Variants in ADGRL4 observed in about 807,000 individuals in gnomAD.
ADGRL4 encodes the protein EGF, latrophilin and seven transmembrane domain containing 1.
ADGRL4 carries 90 observed loss-of-function variants against 74.8 expected under a neutral mutation model. The ratio of observed to expected loss-of-function variants is 1.20; its 90% CI spans 1.02 to 1.43. The LOEUF (loss-of-function observed/expected upper bound fraction) is 1.43, where lower values mean the gene tolerates loss of function less well. ADGRL4 is among the 40% of genes most tolerant of loss of function. The probability of loss-of-function intolerance (pLI) is 0.00; values close to 1 mark genes in which losing one functional copy is unlikely to be tolerated. For missense variants in ADGRL4, 881 were observed against 814.3 expected (o/e 1.08, Z -1.00); for synonymous variants, 311 against 279.2 (o/e 1.11, Z -1.14).
intron 7 of ADGRL4, among the ~76,000 whole-genome samples, chr1:78,933,001 AAAG>A (rs1182002143): frequency 2.0e-5 from 3 of 151,446 alleles, no homozygotes; most frequent in Non-Finnish European, 4.4e-5. Context: ...CCAGAGGTGC[AAAG>A]AAGAGCTGGT....
intron 12 of ADGRL4, among the ~76,000 whole-genome samples, chr1:78,911,297 T>C (rs17102383): frequency 0.038 from 5,799 of 151,940 alleles, 146 homozygotes; most frequent in South Asian, 0.067. Context: ...CTAGATGTGT[T>C]CAGAGAAACG....
chr1:78,957,129 C>A (rs1310502272), intron 2 of ADGRL4, among the ~76,000 whole-genome samples: 1 of 152,126 alleles, frequency 6.6e-6, no homozygotes, highest in Non-Finnish European at 1.5e-5. Context: ...ATAAATGTTG[C>A]GTGTTCTGAC....
At chr1:78,983,722 T>C (rs1035153244) in intron 2 of ADGRL4, among the ~76,000 whole-genome samples, 1 of 151,792 alleles carries the variant, frequency 6.6e-6, no homozygotes, top group Non-Finnish European at 1.5e-5. Context: ...ATTTGGGGAA[T>C]ACAACTTTAG....
In ADGRL4 at chr1:78,923,098, G is replaced by A. The variant is rs544910390; in HGVS notation, c.1084-1312C>T. ...GAGATTGCTAGAAGTTTGTCAAGGA[G>A]GTCAAGCTATATGAAGAAAACTGAA... On this transcript the variant is annotated intron_variant, in intron 8 of 14. Coordinates refer to ENST00000370742, the MANE Select transcript of ADGRL4 (RefSeq NM_022159.4). Among the ~76,000 whole-genome samples, 20 of 151,984 alleles carry A rather than the reference G, an allele frequency of 1.3e-4. No individual in the cohort carries two copies. In the South Asian group the frequency reaches 3.5e-3, roughly 27 times the overall value.
chr1:79,001,422 A>AAAAGAAAG (rs201049265), intron 2 of ADGRL4, among the ~76,000 whole-genome samples: 182 of 151,890 alleles, frequency 1.2e-3, no homozygotes, highest in East Asian at 3.9e-3. Flanking sequence ...CTTAAGACAA[A>AAAAGAAAG]AAAGAAAGAA....
At chr1:78,913,422 A>C (rs1181405388) in intron 12 of ADGRL4, among the ~76,000 whole-genome samples, 1 of 151,950 alleles carries the variant, frequency 6.6e-6, no homozygotes, top group Non-Finnish European at 1.5e-5. Flanking sequence ...ATGCATATAC[A>C]CCGTGGAATA....
intron 2 of ADGRL4, among the ~76,000 whole-genome samples, chr1:78,968,749 G>A (rs1401519017): frequency 2.0e-5 from 3 of 152,178 alleles, no homozygotes; most frequent in African/African-American, 7.2e-5. Context: ...GTCAGGGTCT[G>A]CAGGATGGAT....
chr1:78,898,582 A>G (rs1463075625), intron 12 of ADGRL4, among the ~76,000 whole-genome samples: 1 of 152,026 alleles, frequency 6.6e-6, no homozygotes, highest in African/African-American at 2.4e-5. Context: ...TAAACAGGGC[A>G]AGGACCTTAG....
intron 12 of ADGRL4, among the ~76,000 whole-genome samples, chr1:78,898,349 G>C (rs1648441704): frequency 6.6e-6 from 1 of 152,006 alleles, no homozygotes; most frequent in Admixed American, 6.6e-5. Context: ...AGAAAATAGT[G>C]CTTTTCAAAT....
At chr1:78,990,016 T>C (rs1437077213) in intron 2 of ADGRL4, among the ~76,000 whole-genome samples, 1 of 151,888 alleles carries the variant, frequency 6.6e-6, no homozygotes, top group Non-Finnish European at 1.5e-5. Context: ...TCCCATTGAT[T>C]ATCAGGATAT....
intron 3 of ADGRL4, among the ~76,000 whole-genome samples, chr1:78,944,765 C>T (rs1649559426): frequency 6.6e-6 from 1 of 152,086 alleles, no homozygotes; most frequent in South Asian, 2.1e-4. Flanking sequence ...CCTTTACTTC[C>T]TTGGCAATAA....
chr1:78,903,966 TAAATAAATA>T (rs147674273), intron 12 of ADGRL4, among the ~76,000 whole-genome samples: 106 of 92,696 alleles, frequency 1.1e-3, no homozygotes, highest in African/African-American at 1.9e-3. Flanking sequence ...AATAAATAAA[TAAATAAATA>T]AATAATAATA....
At chr1:78,992,782 GATTGATACTTTT>G (rs1475177766) in intron 2 of ADGRL4, among the ~76,000 whole-genome samples, 7 of 152,042 alleles carry the variant, frequency 4.6e-5, no homozygotes, top group African/African-American at 1.7e-4. Flanking sequence ...CAATCCAAAT[GATTGATACTTTT>G]ATACAAAAGC....
At chr1:78,944,562 T>C (rs1477788625) in intron 3 of ADGRL4, among the ~76,000 whole-genome samples, 1 of 152,208 alleles carries the variant, frequency 6.6e-6, no homozygotes. Flanking sequence ...AGTAATAGCA[T>C]TGTTTTCTCA....
rs1261729302 is a variant in ADGRL4, at chr1:78,921,763, T to C, written c.1107A>G (p.Leu369=). ...CAGGTGAGTAATTCCAAAATGCACATAGACTCCTATACCTATCTGTGACCT... is the reference window on the plus strand; with the variant it reads ...CAGGTGAGTAATTCCAAAATGCACACAGACTCCTATACCTATCTGTGACCT... The part of the protein sequence containing the change: ...HRKVTDRYRS[L]CAFWNYSPDT... Residue 369 remains leucine (L), a synonymous_variant, in exon 9 of 15, where the codon CTA becomes CTG. Coordinates refer to ENST00000370742, the MANE Select transcript of ADGRL4 (RefSeq NM_022159.4). The C allele has an allele frequency of 6.3e-7, 1 of 1,590,982 alleles. No individual in the cohort carries two copies. Among genetic ancestry groups the C allele is most frequent in the Non-Finnish European group, 8.5e-7 (1 of 1,169,818 alleles).
chr1:78,986,529 T>C (rs1305335106), intron 2 of ADGRL4, among the ~76,000 whole-genome samples: 1 of 151,840 alleles, frequency 6.6e-6, no homozygotes, highest in Non-Finnish European at 1.5e-5. Context: ...AAGAATCACC[T>C]GAACTCAGGA....
At position 78,993,828 on chromosome 1, in the gene ADGRL4, C is replaced by A. The variant is rs575122243; in HGVS notation, c.172+11242G>T. On this transcript the variant is annotated intron_variant, in intron 2 of 14. Coordinates refer to ENST00000370742, the MANE Select transcript of ADGRL4 (RefSeq NM_022159.4). ...GACCTCGTGATCCGTCCGCCTTGGC[C>A]TCCCAAAGTGCTGGGATTACAGGCA... Among the ~76,000 whole-genome samples the A allele has an allele frequency of 1.2e-4, 19 of 152,240 alleles. No individual in the cohort carries two copies. In the South Asian group the frequency reaches 3.9e-3, roughly 32 times the overall value.
chr1:78,986,932 AG>A (rs1305618666), intron 2 of ADGRL4, among the ~76,000 whole-genome samples: 1 of 151,820 alleles, frequency 6.6e-6, no homozygotes, highest in Admixed American at 6.6e-5. Flanking sequence ...TGTAGCAATA[AG>A]ATGCTTTGAA....
At chr1:78,932,958 G>C (rs1479342666) in intron 7 of ADGRL4, among the ~76,000 whole-genome samples, 1 of 151,330 alleles carries the variant, frequency 6.6e-6, no homozygotes, top group Non-Finnish European at 1.5e-5. Flanking sequence ...AAAAAGCCCA[G>C]AGCCAGACTG....
Sources: allele counts gnomAD v4.1 joint callset (sites outside exome capture counted in the v4.1 genomes callset), GRCh38; gene constraint gnomAD v4.1.1; transcripts MANE v1.5; gene names NCBI Gene and HGNC (gene_info 2026-07-23, HGNC 2026-07-21).